The following GPD2 variants were observed in gnomAD, a reference collection of about 807,000 sequenced individuals.
GPD2 encodes the protein glycerol-3-phosphate dehydrogenase, mitochondrial.
In GPD2, 54 loss-of-function variants were observed where a neutral mutation model predicts 82.4. The ratio of observed to expected loss-of-function variants is 0.66; its 90% CI spans 0.53 to 0.82. The LOEUF is 0.82. Ranked by LOEUF, GPD2 falls within the 40% of genes least tolerant of loss-of-function variation. The pLI is 0.00. For missense variants in GPD2, 748 were observed against 896.2 expected, an observed-to-expected ratio of 0.83 and a Z score of 2.11; for synonymous variants, 288 against 306.1, an observed-to-expected ratio of 0.94 and a Z score of 0.62.
At chr2:156,464,750 C>G (rs1009153436) in intron 1 of GPD2, among the ~76,000 whole-genome samples, 5 of 152,204 alleles carry the variant, frequency 3.3e-5, no homozygotes, top group African/African-American at 1.2e-4. Context: ...AAAATAAGCT[C>G]AGGATTTCTT....
intron 13 of GPD2, among the ~76,000 whole-genome samples, chr2:156,573,193 G>A (rs1169926497): frequency 6.6e-6 from 1 of 152,086 alleles, no homozygotes. Flanking sequence ...CCTCTGACAG[G>A]GATAAAATTT....
chr2:156,451,395 A>T (rs1389776002), intron 1 of GPD2, among the ~76,000 whole-genome samples: 4 of 137,238 alleles, frequency 2.9e-5, no homozygotes, highest in Non-Finnish European at 6.4e-5. Context: ...CACCTCCCGG[A>T]CGGGGCAGCT....
intron 1 of GPD2, among the ~76,000 whole-genome samples, chr2:156,444,347 A>G (rs1249888692): frequency 1.3e-5 from 2 of 151,754 alleles, no homozygotes; most frequent in African/African-American, 4.8e-5. Context: ...TTTTTCTTTC[A>G]CTGTGTTTGC....
chr2:156,566,762 T>G (rs975921582), intron 9 of GPD2, among the ~76,000 whole-genome samples: 2 of 152,176 alleles, frequency 1.3e-5, no homozygotes, highest in Non-Finnish European at 1.5e-5. Flanking sequence ...AAATGTTTAA[T>G]TTTTGAGGAA....
At chr2:156,532,816 A>T (rs1247155898) in intron 6 of GPD2, among the ~76,000 whole-genome samples, 1 of 152,202 alleles carries the variant, frequency 6.6e-6, no homozygotes, top group African/African-American at 2.4e-5. Flanking sequence ...CTCCTCTGTG[A>T]CCCACATTTG....
chr2:156,516,547 C>T (rs1306515945), intron 6 of GPD2, among the ~76,000 whole-genome samples: 2 of 152,194 alleles, frequency 1.3e-5, no homozygotes, highest in East Asian at 1.9e-4. Flanking sequence ...TCAAGCAATC[C>T]TCCTGCCTCA....
intron 1 of GPD2, among the ~76,000 whole-genome samples, chr2:156,461,103 A>G (rs1320760279): frequency 6.6e-6 from 1 of 150,552 alleles, no homozygotes; most frequent in Admixed American, 6.6e-5. Flanking sequence ...CTGTGCCTAT[A>G]GGAGTAGTTG....
At chr2:156,413,941 T>C in the GPD2 span, among the ~76,000 whole-genome samples, 9 of 152,194 alleles carry the variant, frequency 5.9e-5, no homozygotes, top group African/African-American at 2.2e-4. Context: ...TCTTTTTCCA[T>C]GGGAGTGTGG....
At chr2:156,570,255 ATGG>A (rs1403016926) in intron 12 of GPD2, 37 bp downstream of exon 12, 2 of 1,577,324 alleles carry the variant, frequency 1.3e-6, no homozygotes, top group African/African-American at 2.7e-5. Flanking sequence ...CATGTCTGCC[ATGG>A]GATACCATTT....
At chr2:156,459,841 A>G (rs994960628) in intron 1 of GPD2, among the ~76,000 whole-genome samples, 32 of 152,106 alleles carry the variant, frequency 2.1e-4, no homozygotes, top group African/African-American at 7.0e-4. Context: ...CTGACTGCCC[A>G]TTCTGTAATC....
the GPD2 span, among the ~76,000 whole-genome samples, chr2:156,422,195 G>A: frequency 0.19 from 29,544 of 152,094 alleles, 3,270 homozygotes; most frequent in Non-Finnish European, 0.24. Context: ...TTGACAAGTT[G>A]TCTTTTTATA....
chr2:156,524,917 A>G (rs1210684071), intron 6 of GPD2, among the ~76,000 whole-genome samples: 1 of 152,126 alleles, frequency 6.6e-6, no homozygotes, highest in Non-Finnish European at 1.5e-5. Context: ...TATTGCCTAG[A>G]TAATTACAGC....
chr2:156,479,765 T>C (rs1683653164), intron 2 of GPD2, among the ~76,000 whole-genome samples: 1 of 152,150 alleles, frequency 6.6e-6, no homozygotes, highest in Non-Finnish European at 1.5e-5. Flanking sequence ...CAGTTAAGCA[T>C]CTGAGGGCTT....
chr2:156,419,683 G>A, the GPD2 span, among the ~76,000 whole-genome samples: 2 of 152,178 alleles, frequency 1.3e-5, 1 homozygote, highest in South Asian at 4.1e-4. Context: ...TGAAGAGACA[G>A]AATGTGGTTG....
intron 1 of GPD2, among the ~76,000 whole-genome samples, chr2:156,440,103 T>TC (rs1682114603): frequency 6.6e-6 from 1 of 152,200 alleles, no homozygotes; most frequent in Admixed American, 6.5e-5. Flanking sequence ...CTTAAATAAT[T>TC]CCATCATGTC....
chr2:156,510,685 A>G, intron 3 of GPD2, 111 bp from the exon 4 acceptor site: 2 of 833,258 alleles, frequency 2.4e-6, no homozygotes. Context: ...AAATTTATCC[A>G]TGTTCAGAGT....
chr2:156,523,529 A>G (rs1325550929), intron 6 of GPD2, among the ~76,000 whole-genome samples: 1 of 152,166 alleles, frequency 6.6e-6, no homozygotes, highest in African/African-American at 2.4e-5. Context: ...ACTCATGGCC[A>G]GTCTATACTC....
chr2:156,470,970 C>T (rs1201741861), intron 1 of GPD2, among the ~76,000 whole-genome samples: 1 of 152,160 alleles, frequency 6.6e-6, no homozygotes, highest in East Asian at 1.9e-4. Context: ...GTTTTAGACC[C>T]AAATATTCAT....
intron 3 of GPD2, among the ~76,000 whole-genome samples, chr2:156,509,778 T>TTTTTTA (rs1684921893): frequency 6.9e-6 from 1 of 145,032 alleles, no homozygotes; most frequent in South Asian, 2.2e-4. Context: ...TTTTTTTTTT[T>TTTTTTA]TTTTTTATTT....
Sources: allele counts gnomAD v4.1 joint callset (sites outside exome capture counted in the v4.1 genomes callset), GRCh38; gene constraint gnomAD v4.1.1; transcripts MANE v1.5; gene names NCBI Gene and HGNC (gene_info 2026-07-23, HGNC 2026-07-21).